GRIN3A: variants seen among roughly 807,000 people sequenced by gnomAD.
GRIN3A encodes the protein glutamate receptor ionotropic, NMDA 3A.
In GRIN3A, 47 loss-of-function variants were observed where a neutral mutation model predicts 92.4. The observed-to-expected ratio is 0.51, with a 90% CI of 0.40 to 0.65. The LOEUF is 0.65. Among genes scored for constraint, GRIN3A ranks in the 30% least tolerant of loss-of-function variants. The pLI is 0.00. For missense variants in GRIN3A, 1,324 were observed against 1,393.1 expected (o/e 0.95, Z 0.79); for synonymous variants, 527 against 540.6 (o/e 0.97, Z 0.35).
At chr9:101,663,732 A>G (rs1239202050) in intron 3 of GRIN3A, among the ~76,000 whole-genome samples, 1 of 151,714 alleles carries the variant, frequency 6.6e-6, no homozygotes, top group African/African-American at 2.4e-5. Context: ...TTGCCCTCAC[A>G]GCATGTCTAT....
chr9:101,620,801 A>G (rs751972540), intron 5 of GRIN3A, among the ~76,000 whole-genome samples: 1 of 152,114 alleles, frequency 6.6e-6, no homozygotes, highest in Non-Finnish European at 1.5e-5. Flanking sequence ...TATACAGTCT[A>G]ACTTAATAAT....
chr9:101,587,644 A>G (rs2118801515), intron 6 of GRIN3A, among the ~76,000 whole-genome samples: 1 of 152,360 alleles, frequency 6.6e-6, no homozygotes, highest in South Asian at 2.1e-4. Flanking sequence ...AAATGACTGC[A>G]AGAACCTGGG....
intron 3 of GRIN3A, among the ~76,000 whole-genome samples, chr9:101,641,810 G>T (rs1227612563): frequency 6.7e-6 from 1 of 149,686 alleles, no homozygotes; most frequent in Non-Finnish European, 1.5e-5. Flanking sequence ...AAAACGAAAT[G>T]CAATAAAAAA....
At chr9:101,697,287 A>T (rs1351854778) in intron 1 of GRIN3A, among the ~76,000 whole-genome samples, 6 of 152,232 alleles carry the variant, frequency 3.9e-5, no homozygotes, top group Admixed American at 3.3e-4. Context: ...ACATCAGTAT[A>T]GTTAACTCTT....
intron 6 of GRIN3A, among the ~76,000 whole-genome samples, chr9:101,583,640 T>TGGTA (rs1827917321): frequency 6.6e-6 from 1 of 151,940 alleles, no homozygotes; most frequent in South Asian, 2.1e-4. Flanking sequence ...GTGACTTGAG[T>TGGTA]GGTAGCACAT....
At chr9:101,733,095 G>A (rs905722127) in intron 1 of GRIN3A, among the ~76,000 whole-genome samples, 1 of 152,158 alleles carries the variant, frequency 6.6e-6, no homozygotes, top group African/African-American at 2.4e-5. Flanking sequence ...AGCACCAGAA[G>A]ATAAAACACG....
At chr9:101,700,534 C>G (rs1448787112) in intron 1 of GRIN3A, among the ~76,000 whole-genome samples, 2 of 152,110 alleles carry the variant, frequency 1.3e-5, no homozygotes, top group African/African-American at 4.8e-5. Flanking sequence ...TGTGCAAACT[C>G]AATGTGTGTC....
chr9:101,647,024 G>A (rs990528287), intron 3 of GRIN3A, among the ~76,000 whole-genome samples: 2 of 151,658 alleles, frequency 1.3e-5, no homozygotes, highest in African/African-American at 4.8e-5. Context: ...AGGACTTCCA[G>A]TACTATGTTG....
chr9:101,647,098 C>G (rs6479059), intron 3 of GRIN3A, among the ~76,000 whole-genome samples: 1 of 151,710 alleles, frequency 6.6e-6, no homozygotes, highest in South Asian at 2.1e-4. Flanking sequence ...GGGTTTCAGT[C>G]TTTCCCCATT....
chr9:101,594,403 A>G, intron 6 of GRIN3A: 6 of 1,585,956 alleles, frequency 3.8e-6, no homozygotes, highest in Non-Finnish European at 5.2e-6. Flanking sequence ...CTTGTAAGAA[A>G]AAGGCTCATA....
chr9:101,594,313 A>G (rs1828076395), intron 6 of GRIN3A: 3 of 1,445,676 alleles, frequency 2.1e-6, no homozygotes, highest in Admixed American at 2.3e-5. Context: ...AAATACTTCC[A>G]GATAAGTCAG....
intron 4 of GRIN3A, among the ~76,000 whole-genome samples, chr9:101,626,310 A>T (rs1193220331): frequency 2.0e-5 from 3 of 152,232 alleles, no homozygotes; most frequent in African/African-American, 7.2e-5. Context: ...GTTAATGAGA[A>T]AGCAGGGCCC....
intron 1 of GRIN3A, among the ~76,000 whole-genome samples, chr9:101,712,018 C>T (rs1337454365): frequency 2.0e-5 from 3 of 152,138 alleles, no homozygotes; most frequent in African/African-American, 7.2e-5. Flanking sequence ...CCTCAGATGC[C>T]TGAATTTCAG....
intron 3 of GRIN3A, among the ~76,000 whole-genome samples, chr9:101,648,172 G>C (rs1054206640): frequency 6.6e-6 from 1 of 151,800 alleles, no homozygotes. Context: ...CTCCATTTTT[G>C]TTAGTCTCAA....
intron 1 of GRIN3A, among the ~76,000 whole-genome samples, chr9:101,724,950 C>A (rs577434222): frequency 6.6e-6 from 1 of 152,328 alleles, no homozygotes; most frequent in Non-Finnish European, 1.5e-5. Flanking sequence ...TGATTATTAA[C>A]CTATATTTCT....
intron 1 of GRIN3A, among the ~76,000 whole-genome samples, chr9:101,698,759 C>A (rs1414165971): frequency 1.3e-5 from 2 of 152,092 alleles, no homozygotes; most frequent in East Asian, 1.9e-4. Context: ...ACCTCCGGCT[C>A]CTGGGTTCAA....
chr9:101,624,622 CGTT>C (rs1828606444), intron 4 of GRIN3A, among the ~76,000 whole-genome samples: 1 of 152,054 alleles, frequency 6.6e-6, no homozygotes, highest in African/African-American at 2.4e-5. Flanking sequence ...TCCAGTCTAT[CGTT>C]GTTGGACATT....
chr9:101,630,082 G>A (rs917137404), intron 3 of GRIN3A, among the ~76,000 whole-genome samples: 1 of 152,192 alleles, frequency 6.6e-6, no homozygotes, highest in Non-Finnish European at 1.5e-5. Flanking sequence ...ACATTTATCA[G>A]CATTGTCTGT....
chr9:101,601,139 T>C (rs1828204882), intron 6 of GRIN3A: 1 of 152,166 alleles, frequency 6.6e-6, no homozygotes, highest in South Asian at 2.1e-4. Context: ...AGGGAACAAG[T>C]ACCATAATCA....
Sources: allele counts gnomAD v4.1 joint callset (sites outside exome capture counted in the v4.1 genomes callset), GRCh38; gene constraint gnomAD v4.1.1; transcripts MANE v1.5; gene names NCBI Gene and HGNC (gene_info 2026-07-23, HGNC 2026-07-21).